The following NRCAM variants were observed in gnomAD, a reference collection of about 807,000 sequenced individuals.
The protein encoded by NRCAM is NgCAM-related cell adhesion molecule.
NRCAM carries 83 observed loss-of-function variants against 156.5 expected under a neutral mutation model. That is an observed-to-expected ratio of 0.53 (90% CI 0.44 to 0.64). The LOEUF (loss-of-function observed/expected upper bound fraction) is 0.64, where lower values mean the gene tolerates loss of function less well. Among genes scored for constraint, NRCAM ranks in the 30% least tolerant of loss-of-function variants. NRCAM has a pLI of 0.00. For missense variants in NRCAM, 1,417 were observed against 1,597.3 expected (o/e 0.89, Z 1.92); for synonymous variants, 538 against 563.9 (o/e 0.95, Z 0.65).
At chr7:108,237,175 A>C (rs1225671607) in intron 5 of NRCAM, among the ~76,000 whole-genome samples, 1 of 152,154 alleles carries the variant, frequency 6.6e-6, no homozygotes, top group Non-Finnish European at 1.5e-5. Flanking sequence ...AAGGCAGTGG[A>C]AAGTTTTGCT....
chr7:108,381,541 C>G (rs1013395604), intron 2 of NRCAM, among the ~76,000 whole-genome samples: 1 of 149,042 alleles, frequency 6.7e-6, no homozygotes, highest in Non-Finnish European at 1.5e-5. Flanking sequence ...TTAACATTGG[C>G]TTTGACCATT....
At chr7:108,260,329 C>T (rs2096844687) in intron 3 of NRCAM, among the ~76,000 whole-genome samples, 1 of 152,084 alleles carries the variant, frequency 6.6e-6, no homozygotes, top group South Asian at 2.1e-4. Flanking sequence ...AGAGTCAGTG[C>T]CTGGCCCACA....
chr7:108,290,554 A>T (rs2098256482), intron 3 of NRCAM, among the ~76,000 whole-genome samples: 1 of 152,240 alleles, frequency 6.6e-6, no homozygotes, highest in Non-Finnish European at 1.5e-5. Context: ...TCAACAGTAC[A>T]GTACAAAGCA....
intron 20 of NRCAM, among the ~76,000 whole-genome samples, chr7:108,188,311 A>C (rs961922960): frequency 1.3e-5 from 2 of 151,962 alleles, no homozygotes; most frequent in Admixed American, 6.6e-5. Context: ...AGAGAAGGAG[A>C]AGCAGATGGA....
chr7:108,191,356 C>A, intron 18 of NRCAM, 73 bp from the exon 19 acceptor site: 1 of 1,133,116 alleles, frequency 8.8e-7, no homozygotes, highest in Non-Finnish European at 1.3e-6. Context: ...CACAAGATGA[C>A]AAAGACTGTA....
At chr7:108,420,120 G>A (rs17421812) in intron 1 of NRCAM, among the ~76,000 whole-genome samples, 6,781 of 151,724 alleles carry the variant, frequency 0.045, 222 homozygotes, top group Middle Eastern at 0.078. Context: ...TATCCTTTCA[G>A]AACATCTGTA....
chr7:108,259,733 T>A (rs2096822130), intron 3 of NRCAM, among the ~76,000 whole-genome samples: 1 of 152,196 alleles, frequency 6.6e-6, no homozygotes, highest in Non-Finnish European at 1.5e-5. Flanking sequence ...CTCAGTAAAC[T>A]ACTGCAGGAA....
Position 108,231,014 on chromosome 7 carries a change from ATAT to A in NRCAM, c.550+14_550+16del. The A allele has an allele frequency of 6.3e-7, 1 of 1,579,112 alleles. No homozygotes were observed. The highest frequency in any genetic ancestry group is 8.7e-7 in the Non-Finnish European group (1 of 1,151,188). The stretch of plus-strand genomic sequence containing the variant: ...TAAGACTTTTAAAGAAAGAAAGTTC[ATAT>A]TATCAAAACTTACAATTATCCATCC... On this transcript the variant is annotated intron_variant, in intron 8 of 32. Coordinates refer to ENST00000379028, the MANE Select transcript of NRCAM (RefSeq NM_001037132.4).
intron 13 of NRCAM, chr7:108,207,278 A>C (rs575805910): frequency 1.1e-4 from 34 of 315,326 alleles, no homozygotes; most frequent in African/African-American, 5.8e-4. Flanking sequence ...CCCATTATCC[A>C]TGTAAAAAGC....
At chr7:108,202,254 T>C (rs1270524411) in intron 13 of NRCAM, among the ~76,000 whole-genome samples, 1 of 152,170 alleles carries the variant, frequency 6.6e-6, no homozygotes, top group East Asian at 1.9e-4. Context: ...CTCCTGATGT[T>C]GGTAGGTAAA....
intron 32 of NRCAM, among the ~76,000 whole-genome samples, chr7:108,151,739 T>C (rs1462684393): frequency 1.3e-5 from 2 of 152,210 alleles, no homozygotes; most frequent in Non-Finnish European, 2.9e-5. Flanking sequence ...GTTATGAAAA[T>C]AGCCTACACA....
intron 6 of NRCAM, 21 bp from the exon 7 acceptor site, chr7:108,232,543 TA>T (rs763638428): frequency 1.8e-5 from 29 of 1,569,676 alleles, no homozygotes; most frequent in Non-Finnish European, 2.5e-5. Context: ...CACGAAGTGT[TA>T]AGTGTATTAA....
chr7:108,372,357 T>C (rs1311575083), intron 2 of NRCAM, among the ~76,000 whole-genome samples: 1 of 60,824 alleles, frequency 1.6e-5, no homozygotes, highest in Non-Finnish European at 3.1e-5. Flanking sequence ...TGGGACTATA[T>C]CAAACAACAA....
rs140551796 is a variant in NRCAM, at chr7:108,365,110, C to T, written c.-174+34326G>A. On this transcript the variant is annotated intron_variant, in intron 2 of 32. Coordinates refer to ENST00000379028, the MANE Select transcript of NRCAM (RefSeq NM_001037132.4). ...GGAGTATAATCTTTGAAGAGACTTA[C>T]ATACACTGACCTGATAATTTAGCAT... Among the ~76,000 whole-genome samples the T allele has an allele frequency of 3.5e-4, 53 of 152,266 alleles. No individual in the cohort carries two copies. The East Asian group carries it at 9.6e-3, about 28-fold the overall frequency.
intron 1 of NRCAM, among the ~76,000 whole-genome samples, chr7:108,451,721 C>T (rs1850608535): frequency 6.6e-6 from 1 of 152,118 alleles, no homozygotes; most frequent in South Asian, 2.1e-4. Context: ...TGTATGATTC[C>T]ACTCATATGA....
At chr7:108,200,624 T>C (rs535192504) in intron 13 of NRCAM, among the ~76,000 whole-genome samples, 41 of 152,230 alleles carry the variant, frequency 2.7e-4, no homozygotes, top group African/African-American at 8.7e-4. Flanking sequence ...TTAGCACTTC[T>C]GGTCATTATA....
intron 2 of NRCAM, among the ~76,000 whole-genome samples, chr7:108,396,065 T>A (rs1291720701): frequency 6.6e-6 from 1 of 152,166 alleles, no homozygotes; most frequent in African/African-American, 2.4e-5. Flanking sequence ...ATCCACAACA[T>A]GCTATTTCCA....
rs139908529 is a variant in NRCAM, at chr7:108,199,629, G to C, written c.1208-1530C>G. Among the ~76,000 whole-genome samples the C allele has an allele frequency of 2.6e-5, 4 of 152,244 alleles. No individual in the cohort carries two copies. The East Asian group carries it at 7.7e-4, about 29-fold the overall frequency. ...AAAGCTGTCGATGTTGCATCTCTCT[G>C]ATCATTCTTCCATAGTCACCTTTCT... is the stretch of plus-strand genomic sequence containing the variant. On this transcript the variant is annotated intron_variant, in intron 13 of 32. Coordinates refer to ENST00000379028, the MANE Select transcript of NRCAM (RefSeq NM_001037132.4).
At chr7:108,302,880 C>T (rs188977461) in intron 3 of NRCAM, among the ~76,000 whole-genome samples, 1 of 152,318 alleles carries the variant, frequency 6.6e-6, no homozygotes, top group African/African-American at 2.4e-5. Flanking sequence ...AGTATATTCA[C>T]AATTAGACAT....
Sources: allele counts gnomAD v4.1 joint callset (sites outside exome capture counted in the v4.1 genomes callset), GRCh38; gene constraint gnomAD v4.1.1; transcripts MANE v1.5; gene names NCBI Gene and HGNC (gene_info 2026-07-23, HGNC 2026-07-21).